The following GRM5 variants were observed in gnomAD, a reference collection of about 807,000 sequenced individuals.
GRM5 encodes the protein glutamate metabotropic receptor 5.
Under a neutral mutation model 83.1 loss-of-function variants are expected in GRM5, and 19 were observed. The observed-to-expected ratio is 0.23, with a 90% confidence interval of 0.16 to 0.34. GRM5 has a LOEUF of 0.34. Ranked by LOEUF, GRM5 falls within the 10% of genes least tolerant of loss-of-function variation. GRM5 has a pLI of 1.00. For synonymous variants in GRM5, 675 were observed against 633.6 expected (o/e 1.07, Z -0.98); for missense variants, 1,160 against 1,588.3 (o/e 0.73, Z 4.58).
At chr11:89,064,011 G>A (rs1161176769) in intron 1 of GRM5, among the ~76,000 whole-genome samples, 1 of 152,160 alleles carries the variant, frequency 6.6e-6, no homozygotes, top group Non-Finnish European at 1.5e-5. Context: ...TCAGACAGGT[G>A]GAAGGAGTGT....
chr11:88,999,570 T>C (rs1940302509), intron 2 of GRM5, among the ~76,000 whole-genome samples: 1 of 152,072 alleles, frequency 6.6e-6, no homozygotes, highest in African/African-American at 2.4e-5. Context: ...ATGGTGATCA[T>C]TAAAAAGTCA....
At chr11:89,030,971 A>G (rs1477626683) in intron 2 of GRM5, among the ~76,000 whole-genome samples, 1 of 152,052 alleles carries the variant, frequency 6.6e-6, no homozygotes, top group African/African-American at 2.4e-5. Flanking sequence ...GAGTTGAAAT[A>G]AAAATTACTT....
intron 2 of GRM5, among the ~76,000 whole-genome samples, chr11:89,004,107 A>G (rs1258462743): frequency 6.6e-6 from 1 of 152,182 alleles, no homozygotes; most frequent in Non-Finnish European, 1.5e-5. Flanking sequence ...AAGAGGTATA[A>G]TTCAAAATAA....
Position 88,752,367 on chromosome 11 carries a change from A to C in GRM5, c.911+97539T>G, listed in dbSNP as rs558686476. On this transcript the variant is annotated intron_variant, in intron 3 of 9. Coordinates refer to ENST00000305447, the MANE Select transcript of GRM5 (RefSeq NM_001143831.3). Reference sequence around the variant, plus strand: ...CCCATTCACAATTGCTACAAAAAGAATAAAATACATAGGAATACAGTTAAC... The same window carrying C: ...CCCATTCACAATTGCTACAAAAAGACTAAAATACATAGGAATACAGTTAAC... Among the ~76,000 whole-genome samples the C allele has an allele frequency of 7.2e-5, 11 of 152,306 alleles. No individual in the cohort carries two copies. The South Asian group carries it at 2.1e-3, about 29-fold the overall frequency.
intron 6 of GRM5, among the ~76,000 whole-genome samples, chr11:88,596,716 C>G (rs1937816827): frequency 6.6e-6 from 1 of 151,966 alleles, no homozygotes; most frequent in South Asian, 2.1e-4. Context: ...CTCTTCTTTT[C>G]TTTCTTAACA....
intron 7 of GRM5, among the ~76,000 whole-genome samples, chr11:88,585,649 T>C (rs777849873): frequency 1.3e-5 from 2 of 152,192 alleles, no homozygotes; most frequent in African/African-American, 4.8e-5. Context: ...CCACAATTCA[T>C]TGAAGAGGCA....
intron 2 of GRM5, among the ~76,000 whole-genome samples, chr11:88,983,950 T>C (rs1369801156): frequency 2.0e-5 from 3 of 152,042 alleles, no homozygotes; most frequent in Non-Finnish European, 4.4e-5. Flanking sequence ...ATAAAAACTT[T>C]TAAAAATATT....
At chr11:88,695,872 G>A (rs988019386) in intron 3 of GRM5, among the ~76,000 whole-genome samples, 3 of 152,170 alleles carry the variant, frequency 2.0e-5, no homozygotes, top group Admixed American at 6.5e-5. Context: ...CCCCATCGGC[G>A]TTGTCCAGGG....
intron 2 of GRM5, among the ~76,000 whole-genome samples, chr11:88,928,933 C>CAT (rs1945839967): frequency 6.6e-6 from 1 of 151,814 alleles, no homozygotes; most frequent in Non-Finnish European, 1.5e-5. Context: ...CACACACACA[C>CAT]ACACACACAC....
chr11:88,575,782 T>C (rs1288055562), intron 7 of GRM5, among the ~76,000 whole-genome samples: 1 of 152,236 alleles, frequency 6.6e-6, no homozygotes, highest in African/African-American at 2.4e-5. Flanking sequence ...CAGAGTAGAC[T>C]CACAGCCATC....
intron 3 of GRM5, among the ~76,000 whole-genome samples, chr11:88,673,542 T>C (rs970993200): frequency 6.6e-6 from 1 of 151,948 alleles, no homozygotes; most frequent in African/African-American, 2.4e-5. Context: ...ATATTATCAA[T>C]AAATCTATAT....
chr11:89,011,031 G>T (rs1174061632), intron 2 of GRM5, among the ~76,000 whole-genome samples: 1 of 152,154 alleles, frequency 6.6e-6, no homozygotes, highest in Non-Finnish European at 1.5e-5. Flanking sequence ...AATAATATCT[G>T]CTTCTTTATT....
intron 9 of GRM5, among the ~76,000 whole-genome samples, chr11:88,510,767 C>T (rs1318858134): frequency 6.6e-6 from 1 of 152,238 alleles, no homozygotes; most frequent in Non-Finnish European, 1.5e-5. Context: ...CAACCTGCCT[C>T]AGCCTCCTAA....
chr11:88,821,846 T>C (rs1371080651), intron 3 of GRM5, among the ~76,000 whole-genome samples: 1 of 152,156 alleles, frequency 6.6e-6, no homozygotes, highest in African/African-American at 2.4e-5. Flanking sequence ...AACTCATTTG[T>C]CCCTGTTAGA....
At chr11:88,893,458 G>A (rs1360336271) in intron 2 of GRM5, among the ~76,000 whole-genome samples, 1 of 151,996 alleles carries the variant, frequency 6.6e-6, no homozygotes, top group Admixed American at 6.6e-5. Flanking sequence ...TAAAAAGAAG[G>A]ATGTTAGGAC....
At chr11:88,751,476 C>A (rs11021172) in intron 3 of GRM5, among the ~76,000 whole-genome samples, 2 of 151,580 alleles carry the variant, frequency 1.3e-5, no homozygotes, top group East Asian at 1.9e-4. Context: ...GCCTACCAAC[C>A]AACAAAAGCT....
chr11:88,841,057 A>G (rs1426141250), intron 3 of GRM5, among the ~76,000 whole-genome samples: 1 of 152,048 alleles, frequency 6.6e-6, no homozygotes, highest in Non-Finnish European at 1.5e-5. Flanking sequence ...AAGAAAAGTC[A>G]TGATCATAAT....
chr11:88,786,844 T>A (rs1943078440), intron 3 of GRM5, among the ~76,000 whole-genome samples: 2 of 152,090 alleles, frequency 1.3e-5, no homozygotes, highest in Admixed American at 1.3e-4. Context: ...GGGCTTCTGT[T>A]CGTTTTGCTA....
chr11:88,533,156 A>T (rs961229330), intron 8 of GRM5, among the ~76,000 whole-genome samples: 3 of 151,926 alleles, frequency 2.0e-5, no homozygotes, highest in African/African-American at 4.8e-5. Flanking sequence ...AAATTATGAA[A>T]TTTTTTATCA....
Sources: gnomAD v4.1 joint callset for allele counts (sites outside exome capture counted in the v4.1 genomes callset) on GRCh38, gnomAD v4.1.1 for gene constraint, MANE v1.5 for transcripts, NCBI Gene and HGNC (gene_info 2026-07-23, HGNC 2026-07-21) for gene names.